PRKN: variants seen among roughly 807,000 people sequenced by gnomAD.
PRKN encodes E3 ubiquitin-protein ligase parkin.
PRKN carries 56 observed loss-of-function variants against 59.5 expected under a neutral mutation model. That is an observed-to-expected ratio of 0.94 (90% CI 0.76 to 1.18). The LOEUF (loss-of-function observed/expected upper bound fraction) is 1.18. Ranked by LOEUF, PRKN falls within the 50% of genes most tolerant of loss-of-function variation. The probability of loss-of-function intolerance (pLI) is 0.00; values close to 1 mark genes in which losing one functional copy is unlikely to be tolerated. For missense variants in PRKN, 657 were observed against 596.4 expected, an observed-to-expected ratio of 1.10 and a Z score of -1.06; for synonymous variants, 250 against 222.1, an observed-to-expected ratio of 1.13 and a Z score of -1.12.
At chr6:161,957,991 A>G (rs778609777) in intron 6 of PRKN, among the ~76,000 whole-genome samples, 16 of 152,226 alleles carry the variant, frequency 1.1e-4, no homozygotes, top group Non-Finnish European at 1.5e-4. Context: ...AATCTTAGAA[A>G]TAATCATTAA....
At chr6:162,267,770 A>G (rs1405733188) in intron 2 of PRKN, among the ~76,000 whole-genome samples, 1 of 152,168 alleles carries the variant, frequency 6.6e-6, no homozygotes, top group East Asian at 1.9e-4. Context: ...GATCCTTGAC[A>G]TGGAAACATA....
intron 6 of PRKN, among the ~76,000 whole-genome samples, chr6:161,820,997 C>T (rs368783785): frequency 2.0e-5 from 3 of 151,830 alleles, no homozygotes; most frequent in East Asian, 3.9e-4. Context: ...TATAATAATT[C>T]ACAGACACAG....
chr6:162,123,337 C>T (rs1024048806), intron 4 of PRKN, among the ~76,000 whole-genome samples: 5 of 152,008 alleles, frequency 3.3e-5, no homozygotes, highest in Non-Finnish European at 5.9e-5. Context: ...AGGCAACCTC[C>T]AAACAGATTA....
At chr6:161,694,188 C>G (rs1052311790) in intron 7 of PRKN, among the ~76,000 whole-genome samples, 6 of 152,080 alleles carry the variant, frequency 3.9e-5, no homozygotes, top group African/African-American at 1.4e-4. Context: ...CAGATTATTT[C>G]TTCCATCCAT....
intron 1 of PRKN, among the ~76,000 whole-genome samples, chr6:162,555,401 T>A (rs1779520224): frequency 1.3e-5 from 2 of 152,154 alleles, no homozygotes; most frequent in Non-Finnish European, 2.9e-5. Flanking sequence ...CAGTCATCAA[T>A]AAAATTAATG....
At chr6:162,008,652 G>C (rs1017650404) in intron 5 of PRKN, among the ~76,000 whole-genome samples, 3 of 152,036 alleles carry the variant, frequency 2.0e-5, no homozygotes, top group African/African-American at 7.2e-5. Flanking sequence ...ACAAAATTCT[G>C]TATGGAACAC....
intron 1 of PRKN, among the ~76,000 whole-genome samples, chr6:162,546,103 T>G (rs1426187782): frequency 6.8e-6 from 1 of 146,968 alleles, no homozygotes; most frequent in Non-Finnish European, 1.5e-5. Context: ...GTATGCAGTT[T>G]TTTTTTTTTT....
At chr6:162,358,308 T>C (rs188225163) in intron 2 of PRKN, among the ~76,000 whole-genome samples, 40 of 152,316 alleles carry the variant, frequency 2.6e-4, no homozygotes, top group African/African-American at 8.4e-4. Flanking sequence ...TCACTTGCCA[T>C]ACTGAAAGTT....
intron 4 of PRKN, among the ~76,000 whole-genome samples, chr6:162,187,704 A>C (rs919558469): frequency 1.3e-5 from 2 of 152,176 alleles, no homozygotes; most frequent in African/African-American, 4.8e-5. Context: ...AAATCTATTA[A>C]TATAACATGA....
intron 7 of PRKN, among the ~76,000 whole-genome samples, chr6:161,659,745 T>C (rs2128164990): frequency 6.6e-6 from 1 of 152,228 alleles, no homozygotes; most frequent in South Asian, 2.1e-4. Context: ...TTGTCGTCAC[T>C]GGCTGTGTGA....
chr6:161,501,571 C>CT (rs113906448), intron 9 of PRKN, among the ~76,000 whole-genome samples: 11 of 150,772 alleles, frequency 7.3e-5, no homozygotes, highest in Middle Eastern at 3.4e-3. Context: ...CTGTTGAATG[C>CT]TTTTTTTTTA....
At chr6:161,880,888 C>T (rs914884735) in intron 6 of PRKN, among the ~76,000 whole-genome samples, 2 of 152,178 alleles carry the variant, frequency 1.3e-5, no homozygotes, top group African/African-American at 2.4e-5. Context: ...TCCGCCAGCA[C>T]GTTCAGGGTT....
chr6:162,665,151 C>A (rs552224293), intron 1 of PRKN, among the ~76,000 whole-genome samples: 2 of 152,190 alleles, frequency 1.3e-5, no homozygotes, highest in East Asian at 3.9e-4. Flanking sequence ...CTCACCACTC[C>A]TATTCAACAT....
chr6:161,430,412 T>C (rs1328932559), intron 9 of PRKN, among the ~76,000 whole-genome samples: 3 of 152,328 alleles, frequency 2.0e-5, no homozygotes, highest in Non-Finnish European at 4.4e-5. Flanking sequence ...GATAGCAATT[T>C]TCACCAACTT....
At chr6:162,229,236 C>T (rs1016564288) in intron 3 of PRKN, among the ~76,000 whole-genome samples, 15 of 152,154 alleles carry the variant, frequency 9.9e-5, no homozygotes, top group African/African-American at 3.6e-4. Context: ...TAGTCTCCCC[C>T]ATCCCAACAA....
chr6:162,201,672 C>T (rs926950912), intron 3 of PRKN, among the ~76,000 whole-genome samples: 1 of 152,146 alleles, frequency 6.6e-6, no homozygotes, highest in Non-Finnish European at 1.5e-5. Flanking sequence ...ATAATATCTA[C>T]AGAGAAAAAC....
chr6:161,577,062 C>T (rs1583250900), intron 7 of PRKN, among the ~76,000 whole-genome samples: 1 of 152,074 alleles, frequency 6.6e-6, no homozygotes, highest in African/African-American at 2.4e-5. Context: ...AGGAACAGGA[C>T]CATAGAAGGG....
intron 7 of PRKN, among the ~76,000 whole-genome samples, chr6:161,654,269 C>G (rs1231681289): frequency 6.6e-6 from 1 of 152,156 alleles, no homozygotes; most frequent in Non-Finnish European, 1.5e-5. Flanking sequence ...TTTGGATTGG[C>G]CCTACCTGAA....
At chr6:161,543,525 C>T (rs1779691168) in intron 9 of PRKN, among the ~76,000 whole-genome samples, 1 of 152,186 alleles carries the variant, frequency 6.6e-6, no homozygotes, top group Non-Finnish European at 1.5e-5. Context: ...AGCGACACAG[C>T]ATGGTGTTTG....
Sources: gnomAD v4.1 joint callset for allele counts (sites outside exome capture counted in the v4.1 genomes callset) on GRCh38, gnomAD v4.1.1 for gene constraint, MANE v1.5 for transcripts, NCBI Gene and HGNC (gene_info 2026-07-23, HGNC 2026-07-21) for gene names.